The following HS6ST3 variants were observed in gnomAD, a reference collection of about 807,000 sequenced individuals.
HS6ST3 encodes heparan sulfate 6-O-sulfotransferase 3.
Under a neutral mutation model 36.7 loss-of-function variants are expected in HS6ST3, and 12 were observed. The observed-to-expected ratio is 0.33, with a 90% CI of 0.21 to 0.53. The LOEUF is 0.53. Among genes scored for constraint, HS6ST3 ranks in the 20% least tolerant of loss-of-function variants. The pLI, the probability that HS6ST3 is intolerant of heterozygous loss-of-function variation, is 0.95. For synonymous variants in HS6ST3, 240 were observed against 257.5 expected (o/e 0.93, Z 0.65); for missense variants, 584 against 640.9 (o/e 0.91, Z 0.96).
At chr13:96,244,482 ATTTTCT>A (rs1421761075) in intron 1 of HS6ST3, among the ~76,000 whole-genome samples, 2 of 152,176 alleles carry the variant, frequency 1.3e-5, no homozygotes, top group Non-Finnish European at 2.9e-5. Context: ...AGGTGTGCTA[ATTTTCT>A]TCTAATACAA....
At chr13:96,439,529 T>C (rs898361635) in intron 1 of HS6ST3, among the ~76,000 whole-genome samples, 4 of 152,220 alleles carry the variant, frequency 2.6e-5, no homozygotes, top group Non-Finnish European at 5.9e-5. Flanking sequence ...TGGAACCTGG[T>C]TGTGTGTCGT....
intron 1 of HS6ST3, among the ~76,000 whole-genome samples, chr13:96,112,368 A>C (rs1024969842): frequency 2.6e-5 from 4 of 151,804 alleles, no homozygotes; most frequent in African/African-American, 9.7e-5. Context: ...CTTGGAAAGA[A>C]TGAATCTTTC....
At chr13:96,105,075 A>AAG (rs1555385933) in intron 1 of HS6ST3, among the ~76,000 whole-genome samples, 3 of 151,446 alleles carry the variant, frequency 2.0e-5, no homozygotes, top group Non-Finnish European at 4.4e-5. Flanking sequence ...GGAAAAAAAA[A>AAG]AAAAAGAAAA....
chr13:96,811,382 C>A (rs1878313863), intron 1 of HS6ST3, among the ~76,000 whole-genome samples: 1 of 152,108 alleles, frequency 6.6e-6, no homozygotes, highest in Non-Finnish European at 1.5e-5. Flanking sequence ...TCTTTTTCAC[C>A]TACTTGGCTG....
At chr13:96,380,116 C>G (rs1410100760) in intron 1 of HS6ST3, among the ~76,000 whole-genome samples, 1 of 152,150 alleles carries the variant, frequency 6.6e-6, no homozygotes, top group African/African-American at 2.4e-5. Flanking sequence ...ATATTTTCAG[C>G]AAGCAGCTCT....
chr13:96,175,323 G>A (rs1238020909), intron 1 of HS6ST3, among the ~76,000 whole-genome samples: 1 of 151,954 alleles, frequency 6.6e-6, no homozygotes, highest in East Asian at 1.9e-4. Context: ...TTGTTCGTGA[G>A]CAGTCTGATA....
chr13:96,630,299 A>G (rs1354082092), intron 1 of HS6ST3, among the ~76,000 whole-genome samples: 1 of 152,020 alleles, frequency 6.6e-6, no homozygotes, highest in Non-Finnish European at 1.5e-5. Flanking sequence ...GACCTTGAGG[A>G]CCATTTGATC....
At chr13:96,768,604 C>T (rs773417055) in intron 1 of HS6ST3, among the ~76,000 whole-genome samples, 8 of 152,094 alleles carry the variant, frequency 5.3e-5, no homozygotes, top group East Asian at 1.9e-4. Flanking sequence ...CTTCCTGCCA[C>T]GTAAACTGCA....
intron 1 of HS6ST3, among the ~76,000 whole-genome samples, chr13:96,632,141 G>T (rs575928041): frequency 6.6e-6 from 1 of 152,172 alleles, no homozygotes; most frequent in Non-Finnish European, 1.5e-5. Flanking sequence ...GAGTGACTTT[G>T]CCCCTTCATC....
rs1011838642 is a variant in HS6ST3, at chr13:96,500,769, G to T, written c.708-331721G>T. 4.6e-5 allele frequency among the ~76,000 whole-genome samples: 7 copies of T among 152,250 alleles called. No homozygotes were observed. The East Asian group carries it at 1.2e-3, about 25-fold the overall frequency. On this transcript the variant is annotated intron_variant, in intron 1 of 1. Transcript: ENST00000376705. ...CTGTGACATGTATTTTCTAGAGAGA[G>T]ATTTTATTCATAGATGTAACGATAC...
chr13:96,614,339 C>A (rs778235082), intron 1 of HS6ST3, among the ~76,000 whole-genome samples: 2 of 140,754 alleles, frequency 1.4e-5, no homozygotes, highest in Non-Finnish European at 3.0e-5. Flanking sequence ...CAGTTATTAC[C>A]AGAGTGCAGC....
At chr13:96,513,796 G>T (rs972533425) in intron 1 of HS6ST3, among the ~76,000 whole-genome samples, 2 of 151,994 alleles carry the variant, frequency 1.3e-5, no homozygotes, top group African/African-American at 4.8e-5. Context: ...TTTAAATAGG[G>T]TGATGATAGA....
intron 1 of HS6ST3, among the ~76,000 whole-genome samples, chr13:96,321,925 A>T (rs1408295554): frequency 6.6e-6 from 1 of 151,896 alleles, no homozygotes; most frequent in Admixed American, 6.6e-5. Context: ...GGACTATCTC[A>T]TACATTCCCC....
At chr13:96,547,740 G>A (rs544658354) in intron 1 of HS6ST3, among the ~76,000 whole-genome samples, 20 of 152,224 alleles carry the variant, frequency 1.3e-4, no homozygotes, top group Admixed American at 3.9e-4. Context: ...GAGTTTGGCC[G>A]GCGTATCTAT....
At chr13:96,172,189 C>T (rs759013701) in intron 1 of HS6ST3, among the ~76,000 whole-genome samples, 2 of 152,190 alleles carry the variant, frequency 1.3e-5, no homozygotes, top group Non-Finnish European at 2.9e-5. Context: ...TCATATTGGA[C>T]GCCCTCAACC....
chr13:96,692,940 CAT>C (rs1473451350), intron 1 of HS6ST3, among the ~76,000 whole-genome samples: 1 of 152,094 alleles, frequency 6.6e-6, no homozygotes, highest in Non-Finnish European at 1.5e-5. Context: ...TTGCCAAGCT[CAT>C]ATTGTAAATT....
intron 1 of HS6ST3, among the ~76,000 whole-genome samples, chr13:96,675,714 G>A (rs2056696875): frequency 6.6e-6 from 1 of 152,184 alleles, no homozygotes; most frequent in Non-Finnish European, 1.5e-5. Context: ...TGTGAGGCAG[G>A]AAAGATTATT....
At chr13:96,375,712 C>T (rs1258311170) in intron 1 of HS6ST3, among the ~76,000 whole-genome samples, 1 of 152,130 alleles carries the variant, frequency 6.6e-6, no homozygotes, top group Non-Finnish European at 1.5e-5. Context: ...TTATAATGTA[C>T]TAACTACATT....
intron 1 of HS6ST3, among the ~76,000 whole-genome samples, chr13:96,764,767 T>C (rs936761268): frequency 6.6e-6 from 1 of 152,178 alleles, no homozygotes. Context: ...TATTTTCAAC[T>C]CTCTGGGAAG....
Sources: gnomAD v4.1 joint callset for allele counts (sites outside exome capture counted in the v4.1 genomes callset) on GRCh38, gnomAD v4.1.1 for gene constraint, MANE v1.5 for transcripts, NCBI Gene and HGNC (gene_info 2026-07-23, HGNC 2026-07-21) for gene names.